GNG12: variants seen among roughly 807,000 people sequenced by gnomAD.
GNG12 encodes the protein guanine nucleotide-binding protein G(I)/G(S)/G(O) subunit gamma-12.
For synonymous variants in GNG12, 28 were observed against 29.7 expected, an observed-to-expected ratio of 0.94 and a Z score of 0.19; for missense variants, 69 against 83.8, an observed-to-expected ratio of 0.82 and a Z score of 0.69.
At chr1:67,769,769 T>C (rs1023347153) in intron 2 of GNG12, among the ~76,000 whole-genome samples, 2 of 152,066 alleles carry the variant, frequency 1.3e-5, no homozygotes, top group African/African-American at 4.8e-5. Context: ...TTCCCAAACA[T>C]TTCCCATTTT....
chr1:67,768,580 T>C (rs1646654807), intron 2 of GNG12, among the ~76,000 whole-genome samples: 1 of 152,224 alleles, frequency 6.6e-6, no homozygotes, highest in African/African-American at 2.4e-5. Flanking sequence ...ATTGAACATG[T>C]ATTATGTGAT....
chr1:67,714,431 C>T (rs968875091), intron 2 of GNG12, among the ~76,000 whole-genome samples: 11 of 152,180 alleles, frequency 7.2e-5, no homozygotes, highest in East Asian at 1.9e-4. Flanking sequence ...CCTCAGCTTT[C>T]TCATTGGAAA....
intron 2 of GNG12, among the ~76,000 whole-genome samples, chr1:67,709,160 C>G (rs887584089): frequency 6.6e-6 from 1 of 152,222 alleles, no homozygotes; most frequent in African/African-American, 2.4e-5. Flanking sequence ...AAGCAACCTT[C>G]ACATTCCAAA....
chr1:67,761,584 G>C (rs894336994), intron 2 of GNG12, among the ~76,000 whole-genome samples: 4 of 152,106 alleles, frequency 2.6e-5, no homozygotes, highest in Non-Finnish European at 5.9e-5. Flanking sequence ...GGTAATTCTG[G>C]GTCCCTAGAA....
At chr1:67,829,404 T>G (rs1217314565) in intron 1 of GNG12, among the ~76,000 whole-genome samples, 1 of 152,224 alleles carries the variant, frequency 6.6e-6, no homozygotes, top group Non-Finnish European at 1.5e-5. Context: ...GATTGTCTAA[T>G]TCTCTTACTT....
intron 1 of GNG12, among the ~76,000 whole-genome samples, chr1:67,782,733 G>T (rs986725584): frequency 2.6e-5 from 4 of 152,128 alleles, no homozygotes; most frequent in African/African-American, 9.7e-5. Context: ...GAGTAAACAA[G>T]AAATTGAAAT....
At chr1:67,721,057 C>A (rs1233571541) in intron 2 of GNG12, among the ~76,000 whole-genome samples, 1 of 152,174 alleles carries the variant, frequency 6.6e-6, no homozygotes, top group African/African-American at 2.4e-5. Flanking sequence ...CTAGCCATCA[C>A]TCCACACTGC....
chr1:67,746,880 G>T (rs1393252777), intron 2 of GNG12, among the ~76,000 whole-genome samples: 2 of 151,972 alleles, frequency 1.3e-5, no homozygotes, highest in East Asian at 3.8e-4. Context: ...ATTCCAGTTT[G>T]AAAGTGAAAG....
chr1:67,732,901 T>A (rs1417792315), intron 2 of GNG12, among the ~76,000 whole-genome samples: 1 of 152,148 alleles, frequency 6.6e-6, no homozygotes, highest in Non-Finnish European at 1.5e-5. Context: ...CTCCATTTGG[T>A]CCAGGCCTGA....
intron 1 of GNG12, among the ~76,000 whole-genome samples, chr1:67,802,747 A>T (rs150949424): frequency 1.8e-3 from 278 of 152,056 alleles, no homozygotes; most frequent in Non-Finnish European, 2.9e-3. Context: ...GCCTCAGTTC[A>T]TTCCTTTCTC....
rs554454734 is a variant in GNG12 at position 67,773,698 on chromosome 1, T to C, written c.-27+3760A>G. Among the ~76,000 whole-genome samples the C allele has an allele frequency of 9.6e-4, 146 of 151,980 alleles. 1 individual carries two copies. The highest frequency in any genetic ancestry group is 1.8e-3 in the Admixed American group (27 of 15,248). ...GTCATAGTGTAGAATGACTTGAGAGTTGAGAGAAATAACATTCACAGAGCA... is the reference window on the plus strand; with the variant it reads ...GTCATAGTGTAGAATGACTTGAGAGCTGAGAGAAATAACATTCACAGAGCA... On this transcript the variant is annotated intron_variant, in intron 2 of 3. Coordinates refer to ENST00000370982, the MANE Select transcript of GNG12 (RefSeq NM_018841.6).
intron 1 of GNG12, among the ~76,000 whole-genome samples, chr1:67,818,427 T>G (rs1372855705): frequency 6.7e-6 from 1 of 148,366 alleles, no homozygotes; most frequent in South Asian, 2.1e-4. Context: ...TTTTTTTTTT[T>G]TTTTTTTTTT....
chr1:67,788,727 T>C (rs1646783998), intron 1 of GNG12, among the ~76,000 whole-genome samples: 1 of 152,226 alleles, frequency 6.6e-6, no homozygotes, highest in African/African-American at 2.4e-5. Context: ...TCATGTATCT[T>C]TGTTAACTAG....
intron 1 of GNG12, among the ~76,000 whole-genome samples, chr1:67,811,712 C>T (rs1646927025): frequency 6.6e-6 from 1 of 152,190 alleles, no homozygotes; most frequent in Admixed American, 6.5e-5. Context: ...GTCAAAAGAC[C>T]TACTTACTCT....
At chr1:67,829,812 A>T (rs1443358819) in intron 1 of GNG12, among the ~76,000 whole-genome samples, 1 of 152,208 alleles carries the variant, frequency 6.6e-6, no homozygotes, top group African/African-American at 2.4e-5. Context: ...ACAATTAATA[A>T]TCACACTGTA....
intron 1 of GNG12, among the ~76,000 whole-genome samples, 169 bp downstream of exon 1, chr1:67,833,175 G>A (rs1647061354): frequency 6.8e-6 from 1 of 147,328 alleles, no homozygotes; most frequent in South Asian, 2.3e-4. Context: ...CCGCCCTCCA[G>A]CAGGACACTC....
intron 1 of GNG12, among the ~76,000 whole-genome samples, chr1:67,788,942 C>T (rs545401765): frequency 3.3e-5 from 5 of 151,984 alleles, no homozygotes; most frequent in Admixed American, 6.6e-5. Flanking sequence ...TACAGAACTA[C>T]GAAAAAGAAA....
chr1:67,760,606 A>C (rs1249399216), intron 2 of GNG12, among the ~76,000 whole-genome samples: 1 of 152,204 alleles, frequency 6.6e-6, no homozygotes. Context: ...GACTTGCCTA[A>C]AGTCAAAGCT....
At chr1:67,794,791 T>C (rs1646820366) in intron 1 of GNG12, among the ~76,000 whole-genome samples, 1 of 152,264 alleles carries the variant, frequency 6.6e-6, no homozygotes, top group Admixed American at 6.5e-5. Context: ...TTGCTCCAGC[T>C]ATATTTATAT....
Sources: allele counts gnomAD v4.1 joint callset (sites outside exome capture counted in the v4.1 genomes callset), GRCh38; gene constraint gnomAD v4.1.1; transcripts MANE v1.5; gene names NCBI Gene and HGNC (gene_info 2026-07-23, HGNC 2026-07-21).